The following C8orf34 variants were observed in gnomAD, a reference collection of about 807,000 sequenced individuals.
The protein encoded by C8orf34 is uncharacterized protein C8orf34.
A neutral mutation model predicts 68.3 loss-of-function variants in C8orf34; 65 were observed. That is an observed-to-expected ratio of 0.95 (90% CI 0.78 to 1.17). The LOEUF (loss-of-function observed/expected upper bound fraction) is 1.17. Among genes scored for constraint, C8orf34 ranks in the 50% most tolerant of loss-of-function variants. C8orf34 has a pLI of 0.00. For synonymous variants in C8orf34, 244 were observed against 241.2 expected (o/e 1.01, Z -0.11); for missense variants, 664 against 655.4 (o/e 1.01, Z -0.14).
At chr8:68,465,408 C>A (rs928138355) in intron 3 of C8orf34, among the ~76,000 whole-genome samples, 7 of 149,304 alleles carry the variant, frequency 4.7e-5, no homozygotes, top group African/African-American at 1.7e-4. Flanking sequence ...CCTCAGGGAT[C>A]TAGAACTAGA....
At chr8:68,676,810 C>T (rs1820205054) in intron 8 of C8orf34, among the ~76,000 whole-genome samples, 1 of 152,206 alleles carries the variant, frequency 6.6e-6, no homozygotes, top group South Asian at 2.1e-4. Context: ...CACAGTTCCA[C>T]GTGGCTGAGA....
intron 1 of C8orf34, among the ~76,000 whole-genome samples, chr8:68,379,535 TG>T (rs2129620135): frequency 6.6e-6 from 1 of 152,370 alleles, no homozygotes; most frequent in South Asian, 2.1e-4. Flanking sequence ...TTGCTACTCT[TG>T]TTTTTCTTTC....
intron 11 of C8orf34, among the ~76,000 whole-genome samples, chr8:68,784,451 C>CT (rs1334945643): frequency 6.6e-6 from 1 of 152,136 alleles, no homozygotes; most frequent in Non-Finnish European, 1.5e-5. Context: ...TGTAAAGTTA[C>CT]TTTTATCCTT....
intron 1 of C8orf34, among the ~76,000 whole-genome samples, chr8:68,388,732 C>G (rs973169537): frequency 2.6e-5 from 4 of 152,130 alleles, no homozygotes; most frequent in Non-Finnish European, 4.4e-5. Context: ...TGCCAAAACA[C>G]AAAGTAGTCA....
At chr8:68,624,917 T>TG (rs1411146300) in intron 7 of C8orf34, among the ~76,000 whole-genome samples, 72 of 150,596 alleles carry the variant, frequency 4.8e-4, no homozygotes, top group African/African-American at 1.7e-3. Context: ...TTGCTTTTTT[T>TG]TTTTTTGTGT....
intron 6 of C8orf34, among the ~76,000 whole-genome samples, chr8:68,528,271 TCTC>T (rs1030880090): frequency 7.9e-5 from 12 of 152,228 alleles, no homozygotes; most frequent in Non-Finnish European, 1.3e-4. Context: ...TCCTAGACCT[TCTC>T]ATTCTCATTA....
intron 8 of C8orf34, among the ~76,000 whole-genome samples, chr8:68,659,452 T>G (rs2130804333): frequency 6.6e-6 from 1 of 152,314 alleles, no homozygotes; most frequent in South Asian, 2.1e-4. Context: ...TTTCAGTTCA[T>G]AAGACTGTTT....
chr8:68,616,029 G>A (rs1387795728), intron 7 of C8orf34, among the ~76,000 whole-genome samples: 16 of 151,216 alleles, frequency 1.1e-4, no homozygotes, highest in Admixed American at 1.3e-4. Context: ...GAGGGTGTAC[G>A]TGTCGAGGAA....
intron 12 of C8orf34, among the ~76,000 whole-genome samples, chr8:68,813,253 G>C (rs192910820): frequency 6.6e-6 from 1 of 152,262 alleles, no homozygotes; most frequent in Non-Finnish European, 1.5e-5. Context: ...CTAGTATAGG[G>C]GGAGTCCTAC....
At chr8:68,647,371 A>T (rs1343475635) in intron 8 of C8orf34, among the ~76,000 whole-genome samples, 1 of 152,218 alleles carries the variant, frequency 6.6e-6, no homozygotes, top group Admixed American at 6.5e-5. Context: ...TATAGCCATT[A>T]TTGAAAAGCG....
At chr8:68,584,770 C>G (rs1453540902) in intron 7 of C8orf34, among the ~76,000 whole-genome samples, 1 of 152,046 alleles carries the variant, frequency 6.6e-6, no homozygotes, top group Non-Finnish European at 1.5e-5. Context: ...TTTCTAAAAC[C>G]TGGTTCTTAT....
intron 3 of C8orf34, among the ~76,000 whole-genome samples, chr8:68,466,450 T>C (rs903590588): frequency 2.0e-5 from 3 of 151,996 alleles, no homozygotes; most frequent in African/African-American, 7.2e-5. Context: ...AGCCATACAG[T>C]GACTTGATCA....
At chr8:68,555,839 C>A (rs961686182) in intron 7 of C8orf34, among the ~76,000 whole-genome samples, 1 of 152,058 alleles carries the variant, frequency 6.6e-6, no homozygotes, top group Non-Finnish European at 1.5e-5. Flanking sequence ...TATCAATATG[C>A]CAAAATGCAT....
At chr8:68,459,518 A>T (rs1178644146) in intron 3 of C8orf34, among the ~76,000 whole-genome samples, 5 of 152,156 alleles carry the variant, frequency 3.3e-5, no homozygotes, top group Non-Finnish European at 7.3e-5. Context: ...GGCGTGAGCC[A>T]CCGTGCCCGG....
chr8:68,767,018 T>C (rs112205459), intron 10 of C8orf34, among the ~76,000 whole-genome samples: 2,200 of 152,232 alleles, frequency 0.014, 49 homozygotes, highest in African/African-American at 0.047. Flanking sequence ...ACCCTGTCTC[T>C]ACTAAAAATA....
chr8:68,568,484 C>T (rs541689044), intron 7 of C8orf34, among the ~76,000 whole-genome samples: 7 of 151,838 alleles, frequency 4.6e-5, no homozygotes, highest in East Asian at 1.9e-4. Flanking sequence ...GACACAGACA[C>T]GAAGTGAGCC....
chr8:68,607,577 G>A (rs570727198), intron 7 of C8orf34, among the ~76,000 whole-genome samples: 1 of 152,188 alleles, frequency 6.6e-6, no homozygotes, highest in South Asian at 2.1e-4. Flanking sequence ...CTAAGGTACT[G>A]GGAGTTAGGA....
At chr8:68,641,177 G>A (rs1370145022) in intron 8 of C8orf34, among the ~76,000 whole-genome samples, 1 of 152,168 alleles carries the variant, frequency 6.6e-6, no homozygotes, top group African/African-American at 2.4e-5. Context: ...AAATGGTCCA[G>A]ATTAGCAAGA....
At chr8:68,746,694 AATC>A in intron 10 of C8orf34, among the ~76,000 whole-genome samples, 1 of 148,246 alleles carries the variant, frequency 6.7e-6, no homozygotes, top group East Asian at 2.0e-4. Flanking sequence ...GAAGAAGTTG[AATC>A]TCTGAATAGA....
Sources: gnomAD v4.1 joint callset for allele counts (sites outside exome capture counted in the v4.1 genomes callset) on GRCh38, gnomAD v4.1.1 for gene constraint, MANE v1.5 for transcripts, NCBI Gene and HGNC (gene_info 2026-07-23, HGNC 2026-07-21) for gene names.